MARK3: variants seen among roughly 807,000 people sequenced by gnomAD.
The protein encoded by MARK3 is microtubule affinity regulating kinase 3.
MARK3 carries 46 observed loss-of-function variants against 90.1 expected under a neutral mutation model. The observed-to-expected ratio is 0.51, with a 90% CI of 0.40 to 0.65. The LOEUF is 0.65. Among genes scored for constraint, MARK3 ranks in the 30% least tolerant of loss-of-function variants. The probability of loss-of-function intolerance (pLI) is 0.00; values close to 1 mark genes in which losing one functional copy is unlikely to be tolerated. For missense variants in MARK3, 818 were observed against 947.2 expected, an observed-to-expected ratio of 0.86 and a Z score of 1.79; for synonymous variants, 321 against 332.6, an observed-to-expected ratio of 0.97 and a Z score of 0.38.
intron 3 of MARK3, 147 bp from the exon 4 acceptor site, chr14:103,448,772 C>T (rs2141296569): frequency 1.4e-6 from 1 of 732,482 alleles, no homozygotes; most frequent in East Asian, 3.3e-5. Context: ...TCTGGACTTT[C>T]ATATTAGTCT....
rs555876371 is a variant in MARK3 at position 103,418,862 on chromosome 14, G to A, written c.244-9525G>A. Among the ~76,000 whole-genome samples the A allele has an allele frequency of 2.9e-3, 433 of 151,468 alleles. 3 individuals are homozygous for A. Among genetic ancestry groups the A allele is most frequent in the South Asian group, 9.6e-3 (46 of 4,794 alleles). ...TATAATTTTGTATCTTGTTTTTTCCGCCCTCGGAATTTTATCCAAAGCAGT... is the reference window on the plus strand; with the variant it reads ...TATAATTTTGTATCTTGTTTTTTCCACCCTCGGAATTTTATCCAAAGCAGT... On this transcript the variant is annotated intron_variant, in intron 2 of 17. Coordinates refer to ENST00000429436, the MANE Select transcript of MARK3 (RefSeq NM_001128918.3).
At chr14:103,456,887 C>T (rs902903870) in intron 5 of MARK3, among the ~76,000 whole-genome samples, 10 of 152,124 alleles carry the variant, frequency 6.6e-5, no homozygotes, top group Admixed American at 2.0e-4. Flanking sequence ...CTATTGAAAA[C>T]GCTCTTTAAA....
chr14:103,455,640 A>G (rs2403174), intron 5 of MARK3, among the ~76,000 whole-genome samples: 51,629 of 149,932 alleles, frequency 0.34, 9,309 homozygotes, highest in East Asian at 0.51. Context: ...AGGCACGAGA[A>G]TTGCTTGAAC....
At chr14:103,474,857 CATCTT>C (rs2093688847) in intron 12 of MARK3, 131 bp from the exon 13 acceptor site, 7 of 643,290 alleles carry the variant, frequency 1.1e-5, no homozygotes, top group South Asian at 4.0e-5. Flanking sequence ...AAGTGGGAAA[CATCTT>C]AGAGGATTTT....
chr14:103,435,869 C>G (rs1368311320), intron 3 of MARK3, among the ~76,000 whole-genome samples: 1 of 151,856 alleles, frequency 6.6e-6, no homozygotes, highest in Non-Finnish European at 1.5e-5. Flanking sequence ...TAGGCGCGCA[C>G]CACCACACCC....
chr14:103,497,726 T>C (rs979339478), intron 15 of MARK3, among the ~76,000 whole-genome samples: 1 of 152,220 alleles, frequency 6.6e-6, no homozygotes, highest in Non-Finnish European at 1.5e-5. Flanking sequence ...AATATGTTAA[T>C]GTTTGTTTCA....
At chr14:103,500,775 C>A (rs2075620135) in intron 17 of MARK3, among the ~76,000 whole-genome samples, 2 of 152,178 alleles carry the variant, frequency 1.3e-5, no homozygotes, top group East Asian at 1.9e-4. Flanking sequence ...GGCACTGCCA[C>A]CATGCTGGCT....
chr14:103,456,940 G>A (rs564581024), intron 5 of MARK3, among the ~76,000 whole-genome samples: 1 of 152,180 alleles, frequency 6.6e-6, no homozygotes, highest in East Asian at 1.9e-4. Context: ...TAATTTTAAG[G>A]CTTTTCTTCA....
chr14:103,410,282 G>A (rs977068672), intron 2 of MARK3, among the ~76,000 whole-genome samples: 2 of 152,206 alleles, frequency 1.3e-5, no homozygotes, highest in African/African-American at 2.4e-5. Flanking sequence ...AAAGAGTGGG[G>A]AAGGAAGGGA....
chr14:103,449,115 AT>A (rs949054074), intron 4 of MARK3, 148 bp downstream of exon 4: 1 of 952,952 alleles, frequency 1.0e-6, no homozygotes, highest in African/African-American at 1.7e-5. Flanking sequence ...GCTTTTTGAA[AT>A]TGCTGAAGAC....
chr14:103,500,375 C>T (rs1003557347), intron 17 of MARK3, among the ~76,000 whole-genome samples, 175 bp downstream of exon 17: 1 of 152,208 alleles, frequency 6.6e-6, no homozygotes, highest in African/African-American at 2.4e-5. Flanking sequence ...CCAGATCCAG[C>T]TTGGCCTCCG....
chr14:103,411,647 G>A (rs2091639199), intron 2 of MARK3, among the ~76,000 whole-genome samples: 1 of 151,648 alleles, frequency 6.6e-6, no homozygotes, highest in Non-Finnish European at 1.5e-5. Flanking sequence ...TTGGTGAGAT[G>A]GAGTCTCGCT....
intron 2 of MARK3, among the ~76,000 whole-genome samples, 187 bp from the exon 3 acceptor site, chr14:103,428,200 T>C (rs1220642602): frequency 6.6e-6 from 1 of 152,214 alleles, no homozygotes; most frequent in East Asian, 1.9e-4. Context: ...AGCATTGTTA[T>C]AGAAGCCCTT....
intron 16 of MARK3, 129 bp downstream of exon 16, chr14:103,498,657 C>T: frequency 1.2e-6 from 1 of 868,250 alleles, no homozygotes; most frequent in Non-Finnish European, 1.5e-6. Context: ...TAACTAAATA[C>T]TTAATTCCTT....
Position 103,407,628 on chromosome 14 carries a change from T to C in MARK3, c.243+2361T>C, listed in dbSNP as rs189150577. On this transcript the variant is annotated intron_variant, in intron 2 of 17. Coordinates refer to ENST00000429436, the MANE Select transcript of MARK3 (RefSeq NM_001128918.3). The stretch of plus-strand genomic sequence containing the variant: ...CAGGCTGGAGTGCAGTGGTGTGATC[T>C]CAGCTCCCTGTAACCTCCGCCTCCT... Among the ~76,000 whole-genome samples the C allele has an allele frequency of 1.9e-3, 260 of 139,346 alleles. 2 individuals are homozygous for C. The highest frequency in any genetic ancestry group is 6.7e-3 in the African/African-American group (253 of 37,714). The allele number at this position is 139,346 out of a possible 152,430, so 91.4% of individuals were successfully genotyped here.
At chr14:103,500,274 C>G (rs2075588304) in intron 17 of MARK3, 74 bp downstream of exon 17, 1 of 1,105,796 alleles carries the variant, frequency 9.0e-7, no homozygotes, top group Non-Finnish European at 1.3e-6. Flanking sequence ...CGACTATTTT[C>G]TGAATGTTCC....
chr14:103,385,978 C>T lies in MARK3; in HGVS notation c.-52C>T, dbSNP rs373104025. The T allele has an allele frequency of 4.1e-5, 61 of 1,478,150 alleles. No homozygotes were observed. The Middle Eastern group carries it at 5.1e-4, about 12-fold the overall frequency. 91.6% of individuals were successfully genotyped at this position (1,478,150 alleles called of 1,614,324 possible). ...GACGCTGGTCGCCGGCCTCCTAGGG[C>T]TGTGCTGTTTTGTTTTGACCCTCGC... On this transcript the variant is annotated 5_prime_UTR_variant, in exon 1 of 18. Coordinates refer to ENST00000429436, the MANE Select transcript of MARK3 (RefSeq NM_001128918.3).
chr14:103,440,777 A>AT (rs1306460845), intron 3 of MARK3, among the ~76,000 whole-genome samples: 116 of 143,920 alleles, frequency 8.1e-4, no homozygotes, highest in South Asian at 2.6e-3. Flanking sequence ...CTACAAAAAG[A>AT]TTTTTTTTTT....
intron 2 of MARK3, among the ~76,000 whole-genome samples, chr14:103,418,572 C>T (rs1354066128): frequency 6.6e-6 from 1 of 152,142 alleles, no homozygotes. Context: ...TCCCACCCCT[C>T]AGTCACTTAG....
Sources: allele counts gnomAD v4.1 joint callset (sites outside exome capture counted in the v4.1 genomes callset), GRCh38; gene constraint gnomAD v4.1.1; transcripts MANE v1.5; gene names NCBI Gene and HGNC (gene_info 2026-07-23, HGNC 2026-07-21).